AXDND1: variants seen among roughly 807,000 people sequenced by gnomAD.
AXDND1 encodes the protein axonemal dynein light chain domain-containing protein 1.
A neutral mutation model predicts 137.5 loss-of-function variants in AXDND1; 110 were observed. The observed-to-expected ratio is 0.80, with a 90% CI of 0.69 to 0.94. AXDND1 has a LOEUF of 0.94. Among genes scored for constraint, AXDND1 ranks in the 40% least tolerant of loss-of-function variants. The pLI is 0.00. For missense variants in AXDND1, 1,191 were observed against 1,169.8 expected (o/e 1.02, Z -0.26); for synonymous variants, 414 against 399.7 (o/e 1.04, Z -0.43).
chr1:179,456,492 C>T (rs1661425414), intron 16 of AXDND1: 1 of 770,096 alleles, frequency 1.3e-6, no homozygotes. Flanking sequence ...GCTGCCACTC[C>T]CACCATAGCC....
At chr1:179,440,004 C>T (rs1658764577) in intron 15 of AXDND1, among the ~76,000 whole-genome samples, 2 of 152,234 alleles carry the variant, frequency 1.3e-5, no homozygotes, top group South Asian at 4.1e-4. Flanking sequence ...TTCCTCTTTT[C>T]CTCTAACACT....
At chr1:179,492,814 AT>A in intron 19 of AXDND1, 40 bp from the exon 20 acceptor site, 1 of 1,373,740 alleles carries the variant, frequency 7.3e-7, no homozygotes, top group Non-Finnish European at 1.0e-6. Context: ...CTGAGTGTGT[AT>A]TTGCTCTTTT....
chr1:179,541,437 G>A (rs1203875683), intron 25 of AXDND1, among the ~76,000 whole-genome samples: 4 of 151,742 alleles, frequency 2.6e-5, no homozygotes, highest in Non-Finnish European at 5.9e-5. Flanking sequence ...CTGAAGACTG[G>A]AGCTGTTCCT....
intron 17 of AXDND1, among the ~76,000 whole-genome samples, chr1:179,481,539 G>A (rs987995437): frequency 2.6e-5 from 4 of 152,042 alleles, no homozygotes; most frequent in Non-Finnish European, 5.9e-5. Flanking sequence ...TTCTAGTTCT[G>A]GATCCCTGAG....
intron 10 of AXDND1, among the ~76,000 whole-genome samples, chr1:179,394,321 G>C (rs555081647): frequency 6.6e-6 from 1 of 152,304 alleles, no homozygotes; most frequent in South Asian, 2.1e-4. Context: ...GGGCATGGTG[G>C]CTCACACCTG....
intron 11 of AXDND1, among the ~76,000 whole-genome samples, chr1:179,408,968 CTTTT>C (rs74384865): frequency 0.37 from 46,285 of 126,788 alleles, 7,242 homozygotes; most frequent in Middle Eastern, 0.44. Flanking sequence ...TTTTTTCTTT[CTTTT>C]TTTTTTTTTT....
At chr1:179,554,070 G>A (rs1234651714) in intron 25 of AXDND1, among the ~76,000 whole-genome samples, 4 of 151,962 alleles carry the variant, frequency 2.6e-5, no homozygotes, top group South Asian at 4.1e-4. Flanking sequence ...GTGCTACCAC[G>A]CCCAGCTAAT....
chr1:179,500,051 A>G (rs1217655430), intron 20 of AXDND1, among the ~76,000 whole-genome samples: 6 of 152,136 alleles, frequency 3.9e-5, no homozygotes, highest in Non-Finnish European at 8.8e-5. Context: ...AAGAAGAGGG[A>G]ATACTTTTTA....
chr1:179,374,068 C>G (rs10913738), intron 4 of AXDND1, among the ~76,000 whole-genome samples: 17,403 of 152,024 alleles, frequency 0.11, 1,150 homozygotes, highest in East Asian at 0.35. Flanking sequence ...AAAATTTTTG[C>G]AATCTACCCA....
chr1:179,442,199 T>G (rs1369621759), intron 15 of AXDND1, among the ~76,000 whole-genome samples: 1 of 152,190 alleles, frequency 6.6e-6, no homozygotes, highest in Non-Finnish European at 1.5e-5. Flanking sequence ...CGTACAGATG[T>G]TTCTGCAACT....
intron 25 of AXDND1, among the ~76,000 whole-genome samples, chr1:179,554,140 C>G (rs1928005): frequency 0.12 from 17,818 of 152,150 alleles, 1,212 homozygotes; most frequent in African/African-American, 0.16. Flanking sequence ...TCTCAAACTC[C>G]TGACCTCAAG....
intron 16 of AXDND1, among the ~76,000 whole-genome samples, chr1:179,465,980 A>G (rs112837233): frequency 0.063 from 9,552 of 152,156 alleles, 356 homozygotes; most frequent in African/African-American, 0.07. Context: ...AAAGCGCAGT[A>G]TTAGGGTGGG....
At chr1:179,389,674 C>G (rs1318676233) in intron 9 of AXDND1, among the ~76,000 whole-genome samples, 1 of 152,050 alleles carries the variant, frequency 6.6e-6, no homozygotes, top group East Asian at 1.9e-4. Context: ...TTTGTTTGTT[C>G]TTATTGTTTT....
intron 16 of AXDND1, chr1:179,453,137 C>T (rs183668880): frequency 1.4e-4 from 22 of 152,376 alleles, no homozygotes; most frequent in Middle Eastern, 3.4e-3. Flanking sequence ...TGTATGGAAA[C>T]GCCTGGATGC....
chr1:179,534,902 GAAC>G lies in AXDND1; in HGVS notation c.2977_2979del (p.Gln993del), dbSNP rs753809034. ...TGAAAGAGAAGTAAAAGAAGAAGAA[GAAC>G]AACAAGAAGAAGAAGAAGTCAGGTC... On this transcript the variant is annotated inframe_deletion, in exon 25 of 26. Coordinates refer to ENST00000367618, the MANE Select transcript of AXDND1 (RefSeq NM_144696.6). 2.9e-5 allele frequency: 44 copies of G among 1,494,738 alleles called. No homozygotes were observed. Among genetic ancestry groups the G allele is most frequent in the East Asian group, 2.7e-4 (11 of 41,162 alleles). The allele number at this position is 1,494,738 out of a possible 1,614,324, so 92.6% of individuals were successfully genotyped here.
At chr1:179,503,747 C>CT (rs1348497068) in intron 20 of AXDND1, among the ~76,000 whole-genome samples, 2 of 152,030 alleles carry the variant, frequency 1.3e-5, no homozygotes, top group African/African-American at 4.8e-5. Flanking sequence ...TGATGTTCCC[C>CT]TTCCTGTGTC....
At chr1:179,523,573 G>A (rs1202669747) in intron 21 of AXDND1, among the ~76,000 whole-genome samples, 2 of 152,038 alleles carry the variant, frequency 1.3e-5, no homozygotes, top group African/African-American at 2.4e-5. Flanking sequence ...AACACCACAC[G>A]GTTTCTGGCT....
chr1:179,380,927 T>C (rs1558094593), intron 6 of AXDND1, among the ~76,000 whole-genome samples: 1 of 152,120 alleles, frequency 6.6e-6, no homozygotes, highest in Admixed American at 6.6e-5. Flanking sequence ...TGCATACACA[T>C]GCACATATTT....
chr1:179,462,136 GA>G (rs1323742743), intron 16 of AXDND1, among the ~76,000 whole-genome samples: 1 of 152,162 alleles, frequency 6.6e-6, no homozygotes, highest in Non-Finnish European at 1.5e-5. Context: ...TTTTCAAAGG[GA>G]ATGCTTCCTG....
Sources: gnomAD v4.1 joint callset for allele counts (sites outside exome capture counted in the v4.1 genomes callset) on GRCh38, gnomAD v4.1.1 for gene constraint, MANE v1.5 for transcripts, NCBI Gene and HGNC (gene_info 2026-07-23, HGNC 2026-07-21) for gene names.